The following COBLL1 variants were observed in gnomAD, a reference collection of about 807,000 sequenced individuals.
COBLL1 encodes the protein cordon-bleu WH2 repeat protein like 1, also known as cordon-bleu protein-like 1.
A neutral mutation model predicts 94.8 loss-of-function variants in COBLL1; 50 were observed. The ratio of observed to expected loss-of-function variants is 0.53; its 90% CI spans 0.42 to 0.67. The LOEUF is 0.67. Among genes scored for constraint, COBLL1 ranks in the 30% least tolerant of loss-of-function variants. The pLI is 0.00. For synonymous variants in COBLL1, 448 were observed against 473.8 expected (o/e 0.95, Z 0.71); for missense variants, 1,362 against 1,348.7 (o/e 1.01, Z -0.15).
chr2:164,719,081 A>G (rs1430971466), intron 7 of COBLL1, among the ~76,000 whole-genome samples: 3 of 152,148 alleles, frequency 2.0e-5, no homozygotes, highest in East Asian at 3.9e-4. Flanking sequence ...TCAAAGACAC[A>G]TTAAGTACTG....
At chr2:164,745,373 A>T (rs1308142155) in intron 2 of COBLL1, among the ~76,000 whole-genome samples, 3 of 152,226 alleles carry the variant, frequency 2.0e-5, no homozygotes, top group Non-Finnish European at 4.4e-5. Flanking sequence ...AACTGTTACA[A>T]TGAATAAAAG....
chr2:164,799,782 T>C (rs1683666884), intron 2 of COBLL1, among the ~76,000 whole-genome samples: 1 of 152,078 alleles, frequency 6.6e-6, no homozygotes, highest in African/African-American at 2.4e-5. Context: ...AATCTAGAAA[T>C]AGAGCCACAC....
intron 3 of COBLL1, among the ~76,000 whole-genome samples, chr2:164,742,973 T>C (rs1686677146): frequency 6.6e-6 from 1 of 152,182 alleles, no homozygotes; most frequent in African/African-American, 2.4e-5. Context: ...AGTCTATAGT[T>C]CATGTAACTT....
intron 1 of COBLL1, among the ~76,000 whole-genome samples, chr2:164,672,226 G>C (rs992785047): frequency 2.6e-5 from 4 of 152,174 alleles, no homozygotes; most frequent in African/African-American, 9.7e-5. Context: ...AGGCTTGAGG[G>C]AATTTAAATG....
At chr2:164,759,614 G>A (rs1018161923) in intron 2 of COBLL1, among the ~76,000 whole-genome samples, 4 of 152,050 alleles carry the variant, frequency 2.6e-5, no homozygotes, top group Non-Finnish European at 5.9e-5. Flanking sequence ...ACCCTATTAA[G>A]GGGATGAAAA....
intron 9 of COBLL1, among the ~76,000 whole-genome samples, chr2:164,702,292 G>A (rs1034138739): frequency 3.3e-5 from 5 of 151,950 alleles, no homozygotes; most frequent in South Asian, 2.1e-4. Context: ...GGCTGGGCGT[G>A]GTGGCTCACG....
chr2:164,748,616 T>C (rs1014983903), intron 2 of COBLL1, among the ~76,000 whole-genome samples: 45 of 152,318 alleles, frequency 3.0e-4, no homozygotes, highest in African/African-American at 1.1e-3. Flanking sequence ...ACCAGTTTTC[T>C]TATCAAATAG....
intron 9 of COBLL1, 114 bp downstream of exon 9, chr2:164,704,330 G>A (rs768209276): frequency 1.3e-6 from 1 of 745,066 alleles, no homozygotes. Context: ...TGGGAAATGA[G>A]GCCAAAGAAT....
chr2:164,795,294 TGA>T (rs1683387708), intron 2 of COBLL1, among the ~76,000 whole-genome samples: 1 of 152,164 alleles, frequency 6.6e-6, no homozygotes, highest in South Asian at 2.1e-4. Flanking sequence ...TGCATATATA[TGA>T]GGAGAGAGAG....
chr2:164,728,064 A>G lies in COBLL1; in HGVS notation c.566T>C (p.Leu189Ser), dbSNP rs889761122. 1 of 1,613,822 alleles carries G rather than the reference A, an allele frequency of 6.2e-7. No homozygotes were observed. The change falls in exon 5 of 14, where the codon TTG becomes TCG. Residue 189 changes from leucine to serine, a missense_variant. By Grantham distance (145) the Leu-to-Ser change is moderately radical. Transcript: ENST00000652658. ...KCEFDPLHTLLLKDYQSQEPL... is the reference protein window; with the variant it reads ...KCEFDPLHTLSLKDYQSQEPL... ...CTCCTGCGATTGATAATCTTTCAAC[A>G]ATAGTGTATGCAACGGATCAAACTC...
rs1054939502 is a variant in COBLL1 at position 164,788,021 on chromosome 2, C to T, written c.42-44146G>A. On this transcript the variant is annotated intron_variant, in intron 2 of 13. Coordinates refer to ENST00000652658, the MANE Select transcript of COBLL1 (RefSeq NM_001365672.2). ...ACTTGTCAGATGCTTCCCCGGCCTCCGTTTCATACTTTTTGCACAGGTTAG... is the reference window on the plus strand; with the variant it reads ...ACTTGTCAGATGCTTCCCCGGCCTCTGTTTCATACTTTTTGCACAGGTTAG... Among the ~76,000 whole-genome samples, 22 of 152,082 alleles carry T rather than the reference C, an allele frequency of 1.4e-4. 1 individual carries two copies. Among genetic ancestry groups the T allele is most frequent in the African/African-American group, 3.9e-4 (16 of 41,396 alleles).
chr2:164,691,815 C>T (rs1236499653), intron 13 of COBLL1, among the ~76,000 whole-genome samples: 2 of 152,092 alleles, frequency 1.3e-5, no homozygotes, highest in East Asian at 3.9e-4. Flanking sequence ...TTCCCTAAGC[C>T]TCATATATGT....
rs1412817064 is a variant in COBLL1 at position 164,722,529 on chromosome 2, T to C, written c.662-7A>G. On this transcript the variant is annotated splice_polypyrimidine_tract_variant and splice_region_variant and intron_variant, in intron 5 of 13. Transcript: ENST00000652658. The stretch of plus-strand genomic sequence containing the variant: ...TGTGATATTTGGCAGGACTCTAAAA[T>C]AGAAGAAAAGCATCTTACTTTTGTA... 3 of 1,403,368 alleles carry C rather than the reference T, an allele frequency of 2.1e-6. No individual in the cohort carries two copies. Among genetic ancestry groups the C allele is most frequent in the East Asian group, 2.4e-5 (1 of 42,148 alleles). 86.9% of individuals were successfully genotyped at this position (1,403,368 alleles called of 1,614,324 possible).
intron 2 of COBLL1, among the ~76,000 whole-genome samples, chr2:164,831,337 A>T (rs933516175): frequency 7.9e-5 from 12 of 151,860 alleles, no homozygotes; most frequent in African/African-American, 2.4e-4. Context: ...ATAATAATAA[A>T]AATAAAAATA....
At chr2:164,750,586 A>G (rs1475237097) in intron 2 of COBLL1, among the ~76,000 whole-genome samples, 5 of 152,142 alleles carry the variant, frequency 3.3e-5, no homozygotes, top group Non-Finnish European at 7.4e-5. Flanking sequence ...CTTAAAATCT[A>G]TTCTCCCCTG....
chr2:164,730,529 A>G (rs545399283), intron 3 of COBLL1, among the ~76,000 whole-genome samples: 30 of 152,158 alleles, frequency 2.0e-4, no homozygotes, highest in African/African-American at 7.2e-4. Flanking sequence ...AACAACAACA[A>G]CAACAACAAA....
rs1203862060 is a variant in COBLL1, at chr2:164,695,246, T to G, written c.2146A>C (p.Lys716Gln). ...LYRQDYNPKP[K>Q]PSNEITREYI... is the part of the protein sequence containing the mutation. ...TCTCGTGTAATTTCATTTGAAGGTT[T>G]TGGCTTGGGATTGTAGTCCTGTCTA... The change falls in exon 12 of 14, where the codon AAA becomes CAA. Residue 716 changes from lysine (K) to glutamine (Q), a missense_variant. Coordinates refer to ENST00000652658, the MANE Select transcript of COBLL1 (RefSeq NM_001365672.2). 6.2e-7 allele frequency: 1 copy of G among 1,614,006 alleles called. No individual in the cohort carries two copies.
Position 164,681,080 on chromosome 2 carries a change from G to A in COBLL1, c.*4866C>T, listed in dbSNP as rs1683021043. 6.6e-6 allele frequency: 1 copy of A among 152,186 alleles called. No individual in the cohort carries two copies. The highest frequency in any genetic ancestry group is 1.5e-5 in the Non-Finnish European group (1 of 68,052). 9.4% of individuals were successfully genotyped at this position (152,186 alleles called of 1,614,324 possible). A position where few individuals can be genotyped will look rare whatever the true frequency, so the allele number is the denominator to read the frequency against. On this transcript the variant is annotated 3_prime_UTR_variant, in exon 14 of 14. Transcript: ENST00000652658. ...AGATTCTGGAGGAAACAGCGTTGTG[G>A]AACTGAACAGACTGAATCAATTTAT...
At chr2:164,839,592 A>T (rs1683487567) in intron 2 of COBLL1, among the ~76,000 whole-genome samples, 1 of 152,208 alleles carries the variant, frequency 6.6e-6, no homozygotes, top group South Asian at 2.1e-4. Context: ...ATTTTGTGAA[A>T]GCAGGTATGT....
Sources: allele counts gnomAD v4.1 joint callset (sites outside exome capture counted in the v4.1 genomes callset), GRCh38; gene constraint gnomAD v4.1.1; transcripts MANE v1.5; gene names NCBI Gene and HGNC (gene_info 2026-07-23, HGNC 2026-07-21).